The following KCNQ1 variants were observed in gnomAD, a reference collection of about 807,000 sequenced individuals.
KCNQ1 encodes the protein potassium voltage-gated channel subfamily KQT member 1.
KCNQ1 carries 49 observed loss-of-function variants against 72.4 expected under a neutral mutation model. That is an observed-to-expected ratio of 0.68 (90% CI 0.54 to 0.86). The LOEUF (loss-of-function observed/expected upper bound fraction) is 0.86, where lower values mean the gene tolerates loss of function less well. KCNQ1 is among the 40% of genes least tolerant of loss of function. The pLI is 0.00. For missense variants in KCNQ1, 790 were observed against 945.1 expected, an observed-to-expected ratio of 0.84 and a Z score of 2.15; for synonymous variants, 450 against 412.6, an observed-to-expected ratio of 1.09 and a Z score of -1.10.
intron 10 of KCNQ1, chr11:2,625,447 T>G (rs796969270): frequency 2.5e-6 from 1 of 398,442 alleles, no homozygotes; most frequent in South Asian, 1.3e-4. Flanking sequence ...TTAATAGTAG[T>G]CATCTGAGTG....
In KCNQ1 at chr11:2,571,308, TC is replaced by T. The variant is rs1848329718; in HGVS notation, c.605-16del. On this transcript the variant is annotated splice_polypyrimidine_tract_variant and intron_variant, in intron 3 of 15. Transcript: ENST00000155840. ...TGTGGCGATCACGAAAAGCTCCCCC[TC>T]TCCTGCACTCCACAGACCTCATCGT... 1 of 1,609,470 alleles carries T rather than the reference TC, an allele frequency of 6.2e-7. No homozygotes were observed. The highest frequency in any genetic ancestry group is 8.5e-7 in the Non-Finnish European group (1 of 1,176,638).
rs1353520544 is a variant in KCNQ1, at chr11:2,482,130, C to T, written c.386+36646C>T. Among the ~76,000 whole-genome samples the T allele has an allele frequency of 1.3e-5, 2 of 152,174 alleles. No homozygotes were observed. The highest frequency in any genetic ancestry group is 6.5e-5 in the Admixed American group (1 of 15,290). On this transcript the variant is annotated intron_variant, in intron 1 of 15. Coordinates refer to ENST00000155840, the MANE Select transcript of KCNQ1 (RefSeq NM_000218.3). The surrounding 1 kb of genome is among the most constrained non-coding windows in gnomAD (Gnocchi z 5.7). Reference sequence around the variant, plus strand: ...TTGAGGATTGAATGAACTCATTGTCCAGCACCCTTAGCTTCTTGCCAGCTC... The same window carrying T: ...TTGAGGATTGAATGAACTCATTGTCTAGCACCCTTAGCTTCTTGCCAGCTC...
At position 2,509,235 on chromosome 11, in the gene KCNQ1, C is replaced by G. The variant is rs1170584994; in HGVS notation, c.387-18693C>G. ...AACTGAAAATTTAAGTTTTTAATAT[C>G]ACATATTATTTCATGAAGAGTGGCT... On this transcript the variant is annotated intron_variant, in intron 1 of 15. Coordinates refer to ENST00000155840, the MANE Select transcript of KCNQ1 (RefSeq NM_000218.3). The surrounding 1 kb of genome is among the most constrained non-coding windows in gnomAD (Gnocchi z 6.3). Among the ~76,000 whole-genome samples, 1 of 152,160 alleles carries G rather than the reference C, an allele frequency of 6.6e-6. No homozygotes were observed. Among genetic ancestry groups the G allele is most frequent in the Non-Finnish European group, 1.5e-5 (1 of 68,026 alleles).
rs77625359 is a variant in KCNQ1 at position 2,595,154 on chromosome 11, T to C, written c.1393+6300T>C. ...CCTGTGAGAGCAAGTCTAAGTAACA[T>C]ATATTGAGAAGAGAGTTTTATTTTA... On this transcript the variant is annotated intron_variant, in intron 10 of 15. Coordinates refer to ENST00000155840, the MANE Select transcript of KCNQ1 (RefSeq NM_000218.3). This position sits in a 1 kb window ranked among gnomAD's most constrained non-coding sequence, Gnocchi z 5.0. Among the ~76,000 whole-genome samples, 3,903 of 152,240 alleles carry C rather than the reference T, an allele frequency of 0.026. 60 individuals are homozygous for C. The highest frequency in any genetic ancestry group is 0.038 in the Non-Finnish European group (2,575 of 67,994).
intron 6 of KCNQ1, among the ~76,000 whole-genome samples, chr11:2,580,741 A>G (rs1589963533): frequency 6.6e-6 from 1 of 151,918 alleles, no homozygotes; most frequent in South Asian, 2.1e-4. Flanking sequence ...CCTGACCCCC[A>G]CCTTGGGCGC....
intron 11 of KCNQ1, among the ~76,000 whole-genome samples, chr11:2,733,814 ACT>A (rs1554914246): frequency 4.6e-5 from 4 of 86,654 alleles, no homozygotes; most frequent in Admixed American, 2.5e-4. Flanking sequence ...ACACACACAC[ACT>A]CTCTCACTCT....
In KCNQ1 at chr11:2,674,784, G is replaced by A. The variant is rs114137805; in HGVS notation, c.1514+12703G>A. 473 of 369,322 alleles carry A rather than the reference G, an allele frequency of 1.3e-3. 1 individual carries two copies. The highest frequency in any genetic ancestry group is 0.01 in the African/African-American group (428 of 41,300). 22.9% of individuals were successfully genotyped at this position (369,322 alleles called of 1,614,324 possible). ...CCAGACCAGCTTCCTGGAAACTCTC[G>A]CCAACTGCTGGCCTTTGGAAAGGCT... On this transcript the variant is annotated intron_variant, in intron 11 of 15. Coordinates refer to ENST00000155840, the MANE Select transcript of KCNQ1 (RefSeq NM_000218.3). The surrounding 1 kb of genome is among the most constrained non-coding windows in gnomAD (Gnocchi z 5.9).
At position 2,671,910 on chromosome 11, in the gene KCNQ1, C is replaced by T. The variant is rs1306708742; in HGVS notation, c.1514+9829C>T. ...GCACCAGGCAGCCAGCCTGTGGGCC[C>T]CGCTATGCTTCCTCAGGCAGCTAGT... On this transcript the variant is annotated intron_variant, in intron 11 of 15. Coordinates refer to ENST00000155840, the MANE Select transcript of KCNQ1 (RefSeq NM_000218.3). This position sits in a 1 kb window ranked among gnomAD's most constrained non-coding sequence, Gnocchi z 4.7. The T allele has an allele frequency of 5.0e-6, 2 of 398,552 alleles. No individual in the cohort carries two copies. Among genetic ancestry groups the T allele is most frequent in the Non-Finnish European group, 8.8e-6 (2 of 226,118 alleles). 24.7% of individuals were successfully genotyped at this position (398,552 alleles called of 1,614,324 possible).
At chr11:2,708,861 C>T (rs577958317) in intron 11 of KCNQ1, among the ~76,000 whole-genome samples, 71 of 152,032 alleles carry the variant, frequency 4.7e-4, no homozygotes, top group Non-Finnish European at 9.3e-4. Flanking sequence ...TCCAGCTGTG[C>T]GAGAACATGG....
chr11:2,545,672 T>TAGGTGATTGATAATCCTATTC (rs1847894369), intron 2 of KCNQ1, among the ~76,000 whole-genome samples: 2 of 152,148 alleles, frequency 1.3e-5, no homozygotes, highest in Non-Finnish European at 2.9e-5. Flanking sequence ...TAATTCTATT[T>TAGGTGATTGATAATCCTATTC]AGGTGATTGA....
rs780236727 is a variant in KCNQ1 at position 2,572,027 on chromosome 11, T to C, written c.698T>C (p.Leu233Pro). 1 of 1,612,670 alleles carries C rather than the reference T, an allele frequency of 6.2e-7. No homozygotes were observed. Among genetic ancestry groups the C allele is most frequent in the African/African-American group, 1.3e-5 (1 of 74,896 alleles). ...CTCCTTCGCAGGGGCATCCGCTTCC[T>C]GCAGATCCTGAGGATGCTACACGTC... ...ATSAIRGIRFLQILRMLHVDR... is the reference protein window; with the variant it reads ...ATSAIRGIRFPQILRMLHVDR... Residue 233 changes from leucine to proline, a missense_variant, in exon 5 of 16, where the codon CTG becomes CCG. Leu to Pro is a moderately conservative substitution (Grantham distance 98, BLOSUM62 -3). Transcript: ENST00000155840.
rs780525950 is a variant in KCNQ1, at chr11:2,664,611, G to A, written c.1514+2530G>A. 30 of 398,652 alleles carry A rather than the reference G, an allele frequency of 7.5e-5. No individual in the cohort carries two copies. Among genetic ancestry groups the A allele is most frequent in the Middle Eastern group, 6.3e-4 (1 of 1,590 alleles). 24.7% of individuals were successfully genotyped at this position (398,652 alleles called of 1,614,324 possible). A position where few individuals can be genotyped will look rare whatever the true frequency, so the allele number is the denominator to read the frequency against. Reference sequence around the variant, plus strand: ...CATTCCTCCACCTCCTGCACAGCCCGCCCAGTGATGCCCATAATTAAATTC... The same window carrying A: ...CATTCCTCCACCTCCTGCACAGCCCACCCAGTGATGCCCATAATTAAATTC... On this transcript the variant is annotated intron_variant, in intron 11 of 15. Transcript: ENST00000155840. This position sits in a 1 kb window ranked among gnomAD's most constrained non-coding sequence, Gnocchi z 5.1.
In KCNQ1 at chr11:2,447,613, G is replaced by A. The variant is rs182546797; in HGVS notation, c.386+2129G>A. Among the ~76,000 whole-genome samples the A allele has an allele frequency of 2.0e-5, 3 of 152,162 alleles. No homozygotes were observed. Among genetic ancestry groups the A allele is most frequent in the Admixed American group, 6.5e-5 (1 of 15,278 alleles). On this transcript the variant is annotated intron_variant, in intron 1 of 15. Coordinates refer to ENST00000155840, the MANE Select transcript of KCNQ1 (RefSeq NM_000218.3). The surrounding 1 kb of genome is among the most constrained non-coding windows in gnomAD (Gnocchi z 7.6). Reference sequence around the variant, plus strand: ...AACCAGGATGGCAGAGTAGCTGGAGGCCACCTGCAGCCTCACGAAATCAGG... The same window carrying A: ...AACCAGGATGGCAGAGTAGCTGGAGACCACCTGCAGCCTCACGAAATCAGG...
intron 1 of KCNQ1, among the ~76,000 whole-genome samples, chr11:2,480,421 A>C (rs1057296981): frequency 6.6e-6 from 1 of 152,244 alleles, no homozygotes; most frequent in Admixed American, 6.5e-5. Flanking sequence ...GGCACATCTT[A>C]CGTGGCAGCT....
intron 1 of KCNQ1, among the ~76,000 whole-genome samples, chr11:2,525,978 C>T (rs1194689995): frequency 2.6e-5 from 4 of 152,310 alleles, no homozygotes; most frequent in Non-Finnish European, 5.9e-5. Flanking sequence ...ATAAAGGACA[C>T]AGTTGGGGTG....
At chr11:2,546,012 ATTATT>A (rs774481715) in intron 2 of KCNQ1, among the ~76,000 whole-genome samples, 1 of 151,914 alleles carries the variant, frequency 6.6e-6, no homozygotes, top group African/African-American at 2.4e-5. Flanking sequence ...ATTAATTTTA[ATTATT>A]TTATTCTGCC....
intron 11 of KCNQ1, chr11:2,681,898 C>T (rs974116149): frequency 2.8e-5 from 11 of 398,446 alleles, no homozygotes; most frequent in East Asian, 1.4e-4. Context: ...GAAAACACAC[C>T]GGCCATAATG....
At chr11:2,775,033 G>A (rs1438125597) in intron 12 of KCNQ1, among the ~76,000 whole-genome samples, 1 of 152,210 alleles carries the variant, frequency 6.6e-6, no homozygotes, top group Non-Finnish European at 1.5e-5. Context: ...GGCTATTTGA[G>A]CACTAATGAT....
chr11:2,741,877 C>T (rs529287378), intron 11 of KCNQ1, among the ~76,000 whole-genome samples: 2 of 152,346 alleles, frequency 1.3e-5, no homozygotes, highest in South Asian at 4.1e-4. Flanking sequence ...GCCCCACTCT[C>T]TGCCACCCCA....
Sources: gnomAD v4.1 joint callset for allele counts (sites outside exome capture counted in the v4.1 genomes callset) on GRCh38, gnomAD v4.1.1 for gene constraint, Gnocchi (gnomAD v3.1) non-coding constraint, MANE v1.5 for transcripts, NCBI Gene and HGNC (gene_info 2026-07-23, HGNC 2026-07-21) for gene names.